PPM1L: variants seen among roughly 807,000 people sequenced by gnomAD.
PPM1L encodes protein phosphatase, Mg2+/Mn2+ dependent 1L, also known as protein phosphatase 1L.
A neutral mutation model predicts 31.4 loss-of-function variants in PPM1L; 13 were observed. That is an observed-to-expected ratio of 0.41 (90% CI 0.27 to 0.66). PPM1L has a LOEUF of 0.66. Among genes scored for constraint, PPM1L ranks in the 30% least tolerant of loss-of-function variants. The pLI is 0.29. For synonymous variants in PPM1L, 184 were observed against 175.4 expected (o/e 1.05, Z -0.39); for missense variants, 326 against 453.7 (o/e 0.72, Z 2.56).
chr3:161,005,639 T>G (rs1459621845), intron 2 of PPM1L, among the ~76,000 whole-genome samples: 3 of 152,184 alleles, frequency 2.0e-5, no homozygotes, highest in South Asian at 2.1e-4. Flanking sequence ...CTCAGTTACC[T>G]CTATGAAATC....
intron 1 of PPM1L, among the ~76,000 whole-genome samples, chr3:160,803,754 G>A (rs1712508135): frequency 6.6e-6 from 1 of 152,178 alleles, no homozygotes; most frequent in Admixed American, 6.5e-5. Flanking sequence ...CATGACAGTT[G>A]ATGGATAGAG....
rs566601082 is a variant in PPM1L, at chr3:160,763,860, T to A, written c.399+7153T>A. Among the ~76,000 whole-genome samples, 33 of 151,944 alleles carry A rather than the reference T, an allele frequency of 2.2e-4. No individual in the cohort carries two copies. In the South Asian group the frequency reaches 6.9e-3, roughly 32 times the overall value. On this transcript the variant is annotated intron_variant, in intron 1 of 3. Coordinates refer to ENST00000498165, the MANE Select transcript of PPM1L (RefSeq NM_139245.4). ...AGAGAGGGAGAGGATGTGATGGGAGTGGATAACTCTTGAGGTGGTAAGACT... is the reference window on the plus strand; with the variant it reads ...AGAGAGGGAGAGGATGTGATGGGAGAGGATAACTCTTGAGGTGGTAAGACT...
chr3:160,966,011 C>G (rs898062971), intron 2 of PPM1L, among the ~76,000 whole-genome samples: 1 of 151,914 alleles, frequency 6.6e-6, no homozygotes, highest in Non-Finnish European at 1.5e-5. Flanking sequence ...TCTCTCTTCC[C>G]CTTTAATACA....
At chr3:160,902,100 G>T (rs1410843098) in intron 1 of PPM1L, among the ~76,000 whole-genome samples, 1 of 152,054 alleles carries the variant, frequency 6.6e-6, no homozygotes, top group Non-Finnish European at 1.5e-5. Flanking sequence ...AAATGTGCTT[G>T]GCTCTGTTCA....
intron 2 of PPM1L, among the ~76,000 whole-genome samples, chr3:161,031,706 G>A (rs968969792): frequency 6.6e-6 from 1 of 151,812 alleles, no homozygotes; most frequent in African/African-American, 2.4e-5. Flanking sequence ...AGGTCTCGCT[G>A]TGTTGCCCAG....
chr3:160,774,381 G>T (rs1711509349), intron 1 of PPM1L, among the ~76,000 whole-genome samples: 1 of 152,048 alleles, frequency 6.6e-6, no homozygotes, highest in Non-Finnish European at 1.5e-5. Flanking sequence ...TTGTGACAGT[G>T]GCCTCCTCAT....
chr3:160,778,414 T>C (rs1313714183), intron 1 of PPM1L, among the ~76,000 whole-genome samples: 1 of 152,196 alleles, frequency 6.6e-6, no homozygotes, highest in Non-Finnish European at 1.5e-5. Flanking sequence ...GTGTACCCTT[T>C]GTTCAAAGTC....
chr3:160,855,597 G>C (rs762893403), intron 1 of PPM1L, among the ~76,000 whole-genome samples: 3 of 152,018 alleles, frequency 2.0e-5, no homozygotes, highest in Non-Finnish European at 4.4e-5. Flanking sequence ...ACCAATGCAC[G>C]GCCAACAAGC....
intron 2 of PPM1L, among the ~76,000 whole-genome samples, chr3:161,004,936 G>T (rs1576776691): frequency 6.6e-6 from 1 of 152,084 alleles, no homozygotes; most frequent in Non-Finnish European, 1.5e-5. Context: ...TGATGTTAGG[G>T]TGTCAATTTT....
chr3:160,823,220 C>G (rs1302598767), intron 1 of PPM1L, among the ~76,000 whole-genome samples: 1 of 151,924 alleles, frequency 6.6e-6, no homozygotes, highest in Non-Finnish European at 1.5e-5. Context: ...GTTTCCTATT[C>G]TTTATTTACT....
intron 1 of PPM1L, among the ~76,000 whole-genome samples, chr3:160,852,091 C>A (rs1291217620): frequency 1.3e-5 from 2 of 152,110 alleles, no homozygotes; most frequent in Non-Finnish European, 2.9e-5. Flanking sequence ...ATGTATTAAA[C>A]TGTGTGAATT....
intron 1 of PPM1L, among the ~76,000 whole-genome samples, chr3:160,883,032 C>T (rs565535576): frequency 7.9e-5 from 12 of 152,258 alleles, no homozygotes; most frequent in Admixed American, 7.2e-4. Flanking sequence ...TCTACATGCA[C>T]GTAACTCCCT....
intron 1 of PPM1L, among the ~76,000 whole-genome samples, chr3:160,931,258 T>C (rs1384405968): frequency 6.6e-6 from 1 of 152,184 alleles, no homozygotes; most frequent in African/African-American, 2.4e-5. Flanking sequence ...ATTTTGCCTG[T>C]GTGCACAAGC....
chr3:160,867,854 A>C (rs1339444218), intron 1 of PPM1L, among the ~76,000 whole-genome samples: 3 of 152,204 alleles, frequency 2.0e-5, no homozygotes, highest in Admixed American at 1.3e-4. Flanking sequence ...GCTGAATTCC[A>C]GGACAGACTG....
chr3:160,979,237 A>G (rs1716716002), intron 2 of PPM1L, among the ~76,000 whole-genome samples: 1 of 151,970 alleles, frequency 6.6e-6, no homozygotes, highest in South Asian at 2.1e-4. Context: ...GTATTCATTT[A>G]TTGATTTTCC....
chr3:160,854,349 A>G (rs1237545328), intron 1 of PPM1L, among the ~76,000 whole-genome samples: 1 of 152,150 alleles, frequency 6.6e-6, no homozygotes, highest in Non-Finnish European at 1.5e-5. Context: ...GTGTAAAAGG[A>G]TAAAGATGGT....
At chr3:160,844,957 C>T (rs1714028676) in intron 1 of PPM1L, among the ~76,000 whole-genome samples, 1 of 152,084 alleles carries the variant, frequency 6.6e-6, no homozygotes, top group African/African-American at 2.4e-5. Context: ...CTTTCTGTCT[C>T]TGTAGATTTG....
intron 2 of PPM1L, among the ~76,000 whole-genome samples, chr3:160,967,057 T>C (rs1716173444): frequency 6.6e-6 from 1 of 151,930 alleles, no homozygotes; most frequent in African/African-American, 2.4e-5. Context: ...TGGGAGGTAA[T>C]TGAATCATGG....
chr3:160,824,177 C>T (rs1398299953), intron 1 of PPM1L, among the ~76,000 whole-genome samples: 2 of 151,998 alleles, frequency 1.3e-5, no homozygotes, highest in African/African-American at 2.4e-5. Context: ...TTAGTGTGCC[C>T]TTCCTTAAAA....
Sources: gnomAD v4.1 joint callset for allele counts (sites outside exome capture counted in the v4.1 genomes callset) on GRCh38, gnomAD v4.1.1 for gene constraint, MANE v1.5 for transcripts, NCBI Gene and HGNC (gene_info 2026-07-23, HGNC 2026-07-21) for gene names.